The following CACNA2D2 variants were observed in gnomAD, a reference collection of about 807,000 sequenced individuals.
CACNA2D2 encodes the protein calcium voltage-gated channel auxiliary subunit alpha2delta 2, also known as voltage-dependent calcium channel subunit alpha-2/delta-2.
In CACNA2D2, 48 loss-of-function variants were observed where a neutral mutation model predicts 166.4. That is an observed-to-expected ratio of 0.29 (90% CI 0.23 to 0.37). CACNA2D2 has a LOEUF of 0.37. Ranked by LOEUF, CACNA2D2 falls within the 10% of genes least tolerant of loss-of-function variation. The pLI is 1.00. For synonymous variants in CACNA2D2, 561 were observed against 573.7 expected, an observed-to-expected ratio of 0.98 and a Z score of 0.32; for missense variants, 1,122 against 1,433.0, an observed-to-expected ratio of 0.78 and a Z score of 3.50.
At chr3:50,385,546 G>T (rs587751529) in intron 5 of CACNA2D2, among the ~76,000 whole-genome samples, 7 of 152,308 alleles carry the variant, frequency 4.6e-5, no homozygotes, top group African/African-American at 1.7e-4. Flanking sequence ...CCAGCCAGAT[G>T]CGCTCTCCAC....
At chr3:50,425,998 C>A (rs148830543) in intron 3 of CACNA2D2, among the ~76,000 whole-genome samples, 1 of 152,308 alleles carries the variant, frequency 6.6e-6, no homozygotes, top group Non-Finnish European at 1.5e-5. Context: ...CCTCTAGGCC[C>A]TTGCTCATGC....
chr3:50,481,423 C>T (rs1698052195), intron 1 of CACNA2D2, among the ~76,000 whole-genome samples: 1 of 152,164 alleles, frequency 6.6e-6, no homozygotes, highest in African/African-American at 2.4e-5. Context: ...TATAATCAGT[C>T]TGTGGCCTTC....
rs1704031295 is a variant in CACNA2D2, at chr3:50,363,349, A to C, written c.*1317T>G. 2.5e-6 allele frequency: 1 copy of C among 398,330 alleles called. No individual in the cohort carries two copies. The highest frequency in any genetic ancestry group is 4.4e-6 in the Non-Finnish European group (1 of 225,960). 24.7% of individuals were successfully genotyped at this position (398,330 alleles called of 1,614,324 possible). A position where few individuals can be genotyped will look rare whatever the true frequency, so the allele number is the denominator to read the frequency against. On this transcript the variant is annotated 3_prime_UTR_variant, in exon 38 of 38. Coordinates refer to ENST00000424201, the MANE Select transcript of CACNA2D2 (RefSeq NM_006030.4). ...ATCACCCTCCCCCTCCTCCCAGTCCATCTGAGCCCCATCACTATATCCCCT... is the reference window on the plus strand; with the variant it reads ...ATCACCCTCCCCCTCCTCCCAGTCCCTCTGAGCCCCATCACTATATCCCCT...
At chr3:50,419,444 A>C (rs1481570787) in intron 3 of CACNA2D2, among the ~76,000 whole-genome samples, 1 of 152,116 alleles carries the variant, frequency 6.6e-6, no homozygotes, top group Non-Finnish European at 1.5e-5. Context: ...GGAATTCTAC[A>C]AGGGAAACAT....
At chr3:50,501,964 CCTGAGCACAGCCAGGCTGTG>C (rs1304671857) in intron 1 of CACNA2D2, among the ~76,000 whole-genome samples, 1 of 152,154 alleles carries the variant, frequency 6.6e-6, no homozygotes, top group African/African-American at 2.4e-5. Context: ...TGATCACCTG[CCTGAGCACAGCCAGGCTGTG>C]CAATGAGAGA....
At chr3:50,408,306 GGA>G (rs1706819723) in intron 3 of CACNA2D2, among the ~76,000 whole-genome samples, 1 of 152,230 alleles carries the variant, frequency 6.6e-6, no homozygotes, top group South Asian at 2.1e-4. Context: ...CAGAAGAGTG[GGA>G]GCAGGAGCCA....
At chr3:50,480,468 G>A (rs1405259468) in intron 1 of CACNA2D2, among the ~76,000 whole-genome samples, 1 of 152,026 alleles carries the variant, frequency 6.6e-6, no homozygotes, top group Admixed American at 6.6e-5. Context: ...AAGCTTGTGT[G>A]GGGGGTGGGG....
At position 50,377,474 on chromosome 3, in the gene CACNA2D2, T is replaced by C. The variant is rs748770803; in HGVS notation, c.1619A>G (p.Asn540Ser). 3.7e-6 allele frequency: 6 copies of C among 1,612,702 alleles called. No individual in the cohort carries two copies. The highest frequency in any genetic ancestry group is 3.3e-5 in the South Asian group (3 of 91,066). ...GGGCAGGGGGATGCTCACCGTGTAG[T>C]TGGGGGTCAGCCTCTTGATGTCATT... The part of the protein sequence containing the change: ...ALNDIKRLTP[N>S]YTLGANGYVF... The change falls in exon 17 of 38, where the codon AAC becomes AGC. Residue 540 changes from asparagine (N) to serine (S), a missense_variant. Asn to Ser is a conservative substitution (Grantham distance 46). Coordinates refer to ENST00000424201, the MANE Select transcript of CACNA2D2 (RefSeq NM_006030.4).
chr3:50,383,913 T>C (rs1705452689), intron 6 of CACNA2D2, among the ~76,000 whole-genome samples: 1 of 152,076 alleles, frequency 6.6e-6, no homozygotes, highest in South Asian at 2.1e-4. Flanking sequence ...TGTGCGTGCA[T>C]TTGTGTGGGT....
intron 4 of CACNA2D2, among the ~76,000 whole-genome samples, chr3:50,388,324 C>T (rs587698117): frequency 6.6e-6 from 1 of 152,288 alleles, no homozygotes; most frequent in African/African-American, 2.4e-5. Context: ...TGACAGAGGC[C>T]GCCAGAAGGT....
intron 1 of CACNA2D2, among the ~76,000 whole-genome samples, chr3:50,484,225 C>T (rs1038934744): frequency 6.6e-6 from 1 of 152,154 alleles, no homozygotes. Flanking sequence ...CTACAGGTTC[C>T]ACCTTTGCAA....
chr3:50,481,715 G>T (rs1314916965), intron 1 of CACNA2D2, among the ~76,000 whole-genome samples: 2 of 152,202 alleles, frequency 1.3e-5, no homozygotes, highest in African/African-American at 4.8e-5. Context: ...TAAAGTGCAG[G>T]CTGGGCATGG....
chr3:50,400,017 G>A (rs373436493), intron 3 of CACNA2D2, among the ~76,000 whole-genome samples: 5 of 152,200 alleles, frequency 3.3e-5, no homozygotes, highest in African/African-American at 4.8e-5. Context: ...ATTGCCACCC[G>A]TCTTCCCTCC....
chr3:50,397,405 T>C (rs912598862), intron 3 of CACNA2D2, among the ~76,000 whole-genome samples: 6 of 151,524 alleles, frequency 4.0e-5, no homozygotes, highest in African/African-American at 1.2e-4. Context: ...TGCAGTGGAG[T>C]GGGCAGGCTT....
chr3:50,501,501 C>T (rs1269943705), intron 1 of CACNA2D2, among the ~76,000 whole-genome samples: 5 of 151,924 alleles, frequency 3.3e-5, no homozygotes, highest in Non-Finnish European at 7.4e-5. Flanking sequence ...CCGTCACACC[C>T]GCCTCGCCAT....
intron 5 of CACNA2D2, among the ~76,000 whole-genome samples, chr3:50,386,173 G>A (rs1705595780): frequency 6.6e-6 from 1 of 152,160 alleles, no homozygotes; most frequent in African/African-American, 2.4e-5. Flanking sequence ...CTCTTTTCGG[G>A]CAATCTCTAG....
In CACNA2D2 at chr3:50,367,210, C is replaced by A; in HGVS notation, c.2402-101G>T. 1 of 1,036,126 alleles carries A rather than the reference C, an allele frequency of 9.7e-7. No individual in the cohort carries two copies. Among genetic ancestry groups the A allele is most frequent in the South Asian group, 1.4e-5 (1 of 73,632 alleles). The allele number at this position is 1,036,126 out of a possible 1,614,324, so 64.2% of individuals were successfully genotyped here. A position where few individuals can be genotyped will look rare whatever the true frequency, so the allele number is the denominator to read the frequency against. On this transcript the variant is annotated intron_variant, in intron 27 of 37. Transcript: ENST00000424201. The surrounding 1 kb of genome is among the most constrained non-coding windows in gnomAD (Gnocchi z 6.5). ...CAGCAGTCCAATCCCGGGATGACTCCAGCCCAAGCACCCAGCACTCAGGAC... is the reference window on the plus strand; with the variant it reads ...CAGCAGTCCAATCCCGGGATGACTCAAGCCCAAGCACCCAGCACTCAGGAC...
chr3:50,411,573 C>G (rs374316660), intron 3 of CACNA2D2, among the ~76,000 whole-genome samples: 1 of 152,214 alleles, frequency 6.6e-6, no homozygotes, highest in Non-Finnish European at 1.5e-5. Context: ...CTTATGGGTA[C>G]CTGTTGTCCA....
intron 22 of CACNA2D2, among the ~76,000 whole-genome samples, chr3:50,374,485 G>A (rs1267742106): frequency 6.6e-6 from 1 of 151,798 alleles, no homozygotes; most frequent in Non-Finnish European, 1.5e-5. Flanking sequence ...AAGACACGGA[G>A]TAGGAGAAAC....
Sources: gnomAD v4.1 joint callset for allele counts (sites outside exome capture counted in the v4.1 genomes callset) on GRCh38, gnomAD v4.1.1 for gene constraint, Gnocchi (gnomAD v3.1) non-coding constraint, MANE v1.5 for transcripts, NCBI Gene and HGNC (gene_info 2026-07-23, HGNC 2026-07-21) for gene names.